Variants in MGAT4C observed in about 807,000 individuals in gnomAD.
MGAT4C encodes the protein alpha-1,3-mannosyl-glycoprotein 4-beta-N-acetylglucosaminyltransferase C.
In MGAT4C, 19 loss-of-function variants were observed where a neutral mutation model predicts 40.1. That is an observed-to-expected ratio of 0.47 (90% CI 0.33 to 0.70). MGAT4C has a LOEUF of 0.70. Ranked by LOEUF, MGAT4C falls within the 30% of genes least tolerant of loss-of-function variation. The pLI is 0.02. For missense variants in MGAT4C, 491 were observed against 563.2 expected, an observed-to-expected ratio of 0.87 and a Z score of 1.30; for synonymous variants, 181 against 187.1, an observed-to-expected ratio of 0.97 and a Z score of 0.27.
At chr12:86,287,763 G>C (rs1437947062) in intron 4 of MGAT4C, among the ~76,000 whole-genome samples, 1 of 152,166 alleles carries the variant, frequency 6.6e-6, no homozygotes, top group African/African-American at 2.4e-5. Flanking sequence ...TGGGCATTTG[G>C]GTTGGTTCTA....
chr12:86,377,210 C>T (rs1955845766), intron 3 of MGAT4C, among the ~76,000 whole-genome samples: 1 of 152,158 alleles, frequency 6.6e-6, no homozygotes, highest in African/African-American at 2.4e-5. Flanking sequence ...CAGGCATTCG[C>T]CACCACGCCT....
In MGAT4C at chr12:86,066,578, G is replaced by A. The variant is rs7486471; in HGVS notation, c.-56-16855C>T. On this transcript the variant is annotated intron_variant, in intron 1 of 4. Coordinates refer to ENST00000611864, the MANE Select transcript of MGAT4C (RefSeq NM_001351288.2). ...AATTACCTCAAGATGGATTAAATAC[G>A]TATATGTATGACCTAAAACCATAAA... Among the ~76,000 whole-genome samples the A allele has an allele frequency of 7.2e-5, 11 of 152,036 alleles. 1 individual carries two copies. Among genetic ancestry groups the A allele is most frequent in the Non-Finnish European group, 1.0e-4 (7 of 67,996 alleles).
In MGAT4C at chr12:85,957,834, A is replaced by G. The variant is rs75560341; in HGVS notation, c.*21455T>C. 1.4e-5 allele frequency: 1 copy of G among 72,886 alleles called. No homozygotes were observed. Among genetic ancestry groups the G allele is most frequent in the Non-Finnish European group, 4.2e-5 (1 of 23,884 alleles). 4.5% of individuals were successfully genotyped at this position (72,886 alleles called of 1,614,324 possible). ...ATAGTTTAAGATATTAAATAATTAA[A>G]TAGGTAATGGGAACCACCTTTATTT... On this transcript the variant is annotated 3_prime_UTR_variant, in exon 5 of 5. Coordinates refer to ENST00000611864, the MANE Select transcript of MGAT4C (RefSeq NM_001351288.2).
chr12:86,377,190 G>T (rs1955845303), intron 3 of MGAT4C, among the ~76,000 whole-genome samples: 1 of 151,700 alleles, frequency 6.6e-6, no homozygotes. Context: ...ACTCTGAGTA[G>T]CTGGGATTAC....
At chr12:86,717,322 T>C (rs1950660537) in intron 2 of MGAT4C, among the ~76,000 whole-genome samples, 1 of 152,070 alleles carries the variant, frequency 6.6e-6, no homozygotes. Flanking sequence ...ATGTCAATAA[T>C]TTAAAACATT....
chr12:86,580,974 G>A (rs1486097571), intron 2 of MGAT4C, among the ~76,000 whole-genome samples: 1 of 151,416 alleles, frequency 6.6e-6, no homozygotes, highest in Non-Finnish European at 1.5e-5. Context: ...ATATTGAAAA[G>A]AATTAAAAGC....
intron 3 of MGAT4C, among the ~76,000 whole-genome samples, chr12:86,425,332 A>T (rs1166095033): frequency 6.6e-6 from 1 of 152,120 alleles, no homozygotes; most frequent in African/African-American, 2.4e-5. Flanking sequence ...TTACCTCATG[A>T]TGTTCTCATG....
At chr12:86,704,092 G>C (rs186888282) in intron 2 of MGAT4C, among the ~76,000 whole-genome samples, 352 of 152,068 alleles carry the variant, frequency 2.3e-3, no homozygotes, top group African/African-American at 8.1e-3. Context: ...AATAATAAGA[G>C]CTAATTATAA....
intron 1 of MGAT4C, among the ~76,000 whole-genome samples, chr12:86,142,126 T>A (rs1302209338): frequency 1.3e-5 from 2 of 152,202 alleles, no homozygotes; most frequent in East Asian, 1.9e-4. Flanking sequence ...GTTAAGCAAG[T>A]CTGATTCTCT....
chr12:86,169,268 G>C (rs572084614), intron 1 of MGAT4C, among the ~76,000 whole-genome samples: 8 of 152,024 alleles, frequency 5.3e-5, no homozygotes, highest in African/African-American at 1.9e-4. Context: ...CATGTCTTGG[G>C]TCTTCATAAG....
Position 86,604,820 on chromosome 12 carries a change from A to T in MGAT4C, c.-229+122389T>A, listed in dbSNP as rs560863612. Among the ~76,000 whole-genome samples, 31 of 152,288 alleles carry T rather than the reference A, an allele frequency of 2.0e-4. No individual in the cohort carries two copies. In the East Asian group the frequency reaches 2.3e-3, roughly 11 times the overall value. ...AAGATAGAATTAAAAATAAAAAATT[A>T]TTCCATGCAGCAAACAAGAAAAAAG... On this transcript the variant is annotated intron_variant, in intron 2 of 7. Coordinates refer to the MGAT4C transcript ENST00000548651.
At chr12:86,567,212 T>A (rs1960167079) in intron 2 of MGAT4C, among the ~76,000 whole-genome samples, 3 of 152,088 alleles carry the variant, frequency 2.0e-5, no homozygotes, top group Non-Finnish European at 4.4e-5. Context: ...GTGACACCAA[T>A]CACCATCACC....
chr12:86,700,178 C>T (rs4133872), intron 2 of MGAT4C, among the ~76,000 whole-genome samples: 114,306 of 140,464 alleles, frequency 0.81, 46,339 homozygotes, highest in Middle Eastern at 0.9. Flanking sequence ...GACAGACAGA[C>T]AGATAGATAG....
intron 1 of MGAT4C, among the ~76,000 whole-genome samples, chr12:86,138,580 T>C (rs1566037629): frequency 6.8e-6 from 1 of 146,976 alleles, no homozygotes; most frequent in Non-Finnish European, 1.5e-5. Context: ...AGATATATCA[T>C]ATATATATTT....
At chr12:86,270,627 T>C (rs1042946432) in intron 4 of MGAT4C, among the ~76,000 whole-genome samples, 2 of 152,120 alleles carry the variant, frequency 1.3e-5, no homozygotes, top group African/African-American at 4.8e-5. Context: ...GCAATCCCCA[T>C]CAAAATATCA....
chr12:86,663,353 C>CAAAAAA lies in MGAT4C; in HGVS notation c.-229+63850_-229+63855dup, dbSNP rs58562873. Among the ~76,000 whole-genome samples, 199 of 44,764 alleles carry CAAAAAA rather than the reference C, an allele frequency of 4.4e-3. 9 individuals are homozygous for CAAAAAA. Among genetic ancestry groups the CAAAAAA allele is most frequent in the African/African-American group, 0.015 (182 of 11,814 alleles). 29.4% of individuals were successfully genotyped at this position (44,764 alleles called of 152,430 possible). A position where few individuals can be genotyped will look rare whatever the true frequency, so the allele number is the denominator to read the frequency against. On this transcript the variant is annotated intron_variant, in intron 2 of 7. Coordinates refer to the MGAT4C transcript ENST00000548651. ...TGAAAAAGTGATACCTCCTCTGTCT[C>CAAAAAA]AAAAAAAAAAAAAAAAAAAAAAGAG...
At chr12:86,650,472 G>A in intron 2 of MGAT4C, among the ~76,000 whole-genome samples, 1 of 151,856 alleles carries the variant, frequency 6.6e-6, no homozygotes, top group East Asian at 1.9e-4. Flanking sequence ...TCCATTAGGT[G>A]CACAGGAACA....
At chr12:86,219,450 A>C (rs1950798675) in intron 1 of MGAT4C, among the ~76,000 whole-genome samples, 1 of 152,194 alleles carries the variant, frequency 6.6e-6, no homozygotes, top group Non-Finnish European at 1.5e-5. Context: ...CAGATGGTAC[A>C]TTTCTTGCAC....
intron 1 of MGAT4C, among the ~76,000 whole-genome samples, chr12:86,160,722 CAAG>C (rs1480353305): frequency 2.0e-5 from 3 of 151,906 alleles, no homozygotes; most frequent in African/African-American, 7.2e-5. Flanking sequence ...CTTTATAGGC[CAAG>C]AAGAAGTTGT....
Sources: allele counts gnomAD v4.1 joint callset (sites outside exome capture counted in the v4.1 genomes callset), GRCh38; gene constraint gnomAD v4.1.1; transcripts MANE v1.5; gene names NCBI Gene and HGNC (gene_info 2026-07-23, HGNC 2026-07-21).